The following VAPB variants were observed in gnomAD, a reference collection of about 807,000 sequenced individuals.
The protein encoded by VAPB is vesicle-associated membrane protein-associated protein B/C.
In VAPB, 7 loss-of-function variants were observed where a neutral mutation model predicts 25.6. The observed-to-expected ratio is 0.27, with a 90% CI of 0.16 to 0.51. The LOEUF is 0.51. VAPB is among the 20% of genes least tolerant of loss of function. VAPB has a pLI of 0.97. For synonymous variants in VAPB, 112 were observed against 109.2 expected, an observed-to-expected ratio of 1.03 and a Z score of -0.16; for missense variants, 266 against 301.3, an observed-to-expected ratio of 0.88 and a Z score of 0.87.
chr20:58,443,052 C>T (rs1011699223), intron 5 of VAPB, among the ~76,000 whole-genome samples: 3 of 152,018 alleles, frequency 2.0e-5, no homozygotes, highest in Non-Finnish European at 2.9e-5. Flanking sequence ...GAAATGGCAT[C>T]ATAGATCTAC....
chr20:58,422,520 A>G (rs191864689), intron 2 of VAPB, among the ~76,000 whole-genome samples: 2 of 151,586 alleles, frequency 1.3e-5, no homozygotes, highest in Admixed American at 6.6e-5. Flanking sequence ...AATTAAATCT[A>G]TTTTCTGAAC....
intron 1 of VAPB, among the ~76,000 whole-genome samples, chr20:58,416,987 A>G (rs751434545): frequency 3.3e-5 from 5 of 152,210 alleles, no homozygotes; most frequent in Non-Finnish European, 7.3e-5. Context: ...CAAAACACAC[A>G]TTTGAATGAT....
At chr20:58,398,932 T>C (rs920639428) in intron 1 of VAPB, among the ~76,000 whole-genome samples, 4 of 151,994 alleles carry the variant, frequency 2.6e-5, no homozygotes, top group Admixed American at 1.3e-4. Flanking sequence ...CTTGGCTTTC[T>C]TATTTATTAT....
At chr20:58,418,433 T>C (rs1051138660) in intron 2 of VAPB, 70 bp downstream of exon 2, 1 of 1,580,806 alleles carries the variant, frequency 6.3e-7, no homozygotes, top group African/African-American at 1.4e-5. Flanking sequence ...TTCTTAAAGT[T>C]TGTATTTGCA....
At chr20:58,397,003 G>A (rs1049584900) in intron 1 of VAPB, among the ~76,000 whole-genome samples, 11 of 152,216 alleles carry the variant, frequency 7.2e-5, no homozygotes. Flanking sequence ...GTTCTTGAGA[G>A]AGGGAGGCAG....
intron 1 of VAPB, among the ~76,000 whole-genome samples, chr20:58,405,147 A>C (rs759608589): frequency 5.9e-4 from 90 of 152,288 alleles, no homozygotes; most frequent in Middle Eastern, 3.4e-3. Context: ...TCATTTAAGT[A>C]GGGTGATTAG....
chr20:58,413,233 G>T (rs1988424708), intron 1 of VAPB, among the ~76,000 whole-genome samples: 1 of 150,988 alleles, frequency 6.6e-6, no homozygotes, highest in South Asian at 2.1e-4. Flanking sequence ...ATAGTGGAGG[G>T]AAGGTCAGCA....
At chr20:58,400,365 C>G (rs1433792183) in intron 1 of VAPB, among the ~76,000 whole-genome samples, 1 of 152,196 alleles carries the variant, frequency 6.6e-6, no homozygotes, top group Non-Finnish European at 1.5e-5. Context: ...TTTCCCACAG[C>G]ACCTACTGGT....
At chr20:58,409,699 C>G (rs1988325442) in intron 1 of VAPB, among the ~76,000 whole-genome samples, 1 of 152,028 alleles carries the variant, frequency 6.6e-6, no homozygotes, top group Non-Finnish European at 1.5e-5. Context: ...AAACTTGTAT[C>G]TGGAAAGCTG....
intron 4 of VAPB, chr20:58,439,503 A>G (rs1198573504): frequency 5.2e-6 from 1 of 191,600 alleles, no homozygotes; most frequent in Non-Finnish European, 1.1e-5. Flanking sequence ...CTCAGCCTCA[A>G]CACTGTTGAT....
rs1187460828 is a variant in VAPB, at chr20:58,448,013, C to T, written c.*3778C>T. 1 of 453,700 alleles carries T rather than the reference C, an allele frequency of 2.2e-6. No homozygotes were observed. 28.1% of individuals were successfully genotyped at this position (453,700 alleles called of 1,614,324 possible). Reference sequence around the variant, plus strand: ...GAAGGGCCTCTCGTGGCTTTCCCTGCCCCCGGCTGTCTGGCCTGAAGAAGG... The same window carrying T: ...GAAGGGCCTCTCGTGGCTTTCCCTGTCCCCGGCTGTCTGGCCTGAAGAAGG... On this transcript the variant is annotated 3_prime_UTR_variant, in exon 6 of 6. Coordinates refer to ENST00000475243, the MANE Select transcript of VAPB (RefSeq NM_004738.5).
intron 1 of VAPB, among the ~76,000 whole-genome samples, chr20:58,417,201 T>C (rs1988560995): frequency 6.6e-6 from 1 of 152,232 alleles, no homozygotes; most frequent in African/African-American, 2.4e-5. Flanking sequence ...GCCACCTGAC[T>C]AATAAACACA....
In VAPB at chr20:58,439,006, C is replaced by T; in HGVS notation, c.377C>T (p.Pro126Leu). Residue 126 changes from proline (P) to leucine (L), a missense_variant, in exon 4 of 6, where the codon CCA becomes CTA. By Grantham distance (98) the Pro-to-Leu change is moderately conservative (BLOSUM62 -3). This residue lies in a region of VAPB where 98 missense variants were observed against 147.1 expected (regional missense o/e 0.67). Coordinates refer to ENST00000475243, the MANE Select transcript of VAPB (RefSeq NM_004738.5). ...DSKLRCVFEL[P>L]AENDKPHDVE... ...AAACTTAGATGTGTGTTTGAATTGC[C>T]AGCAGAGAATGATAAACCAGTAAGT... The T allele has an allele frequency of 6.2e-7, 1 of 1,613,720 alleles. No individual in the cohort carries two copies. Among genetic ancestry groups the T allele is most frequent in the Non-Finnish European group, 8.5e-7 (1 of 1,179,890 alleles).
intron 5 of VAPB, among the ~76,000 whole-genome samples, chr20:58,442,288 G>T (rs1989179437): frequency 6.6e-6 from 1 of 152,196 alleles, no homozygotes; most frequent in African/African-American, 2.4e-5. Context: ...TTTCTTTAGT[G>T]TGTAGTAAAT....
In VAPB at chr20:58,441,110, C is replaced by T. The variant is rs201184032; in HGVS notation, c.573+27C>T. The T allele has an allele frequency of 5.8e-5, 94 of 1,611,730 alleles. No homozygotes were observed. In the African/African-American group the frequency reaches 1.2e-3, roughly 20 times the overall value. ...TAATAGTTTATTTTCTGGTAATCTA[C>T]AGAAAACAAGGGCGTTTTCACTAGC... On this transcript the variant is annotated intron_variant, in intron 5 of 5. Transcript: ENST00000475243.
chr20:58,393,813 ACCTCCG>A (rs1987874611), intron 1 of VAPB, among the ~76,000 whole-genome samples: 1 of 151,736 alleles, frequency 6.6e-6, no homozygotes, highest in Non-Finnish European at 1.5e-5. Flanking sequence ...GCTCACCGCA[ACCTCCG>A]CCTCCCGGGT....
At chr20:58,411,529 G>A (rs1340505141) in intron 1 of VAPB, among the ~76,000 whole-genome samples, 1 of 152,162 alleles carries the variant, frequency 6.6e-6, no homozygotes. Context: ...TGATCCACCC[G>A]CCTTGGCCTC....
chr20:58,406,404 C>A (rs1038735477), intron 1 of VAPB, among the ~76,000 whole-genome samples: 1 of 152,206 alleles, frequency 6.6e-6, no homozygotes, highest in Non-Finnish European at 1.5e-5. Context: ...CTGGCCTCTT[C>A]TTGAGTTTAA....
intron 1 of VAPB, among the ~76,000 whole-genome samples, chr20:58,407,569 ATCTT>A (rs1236290997): frequency 1.3e-5 from 2 of 152,174 alleles, no homozygotes; most frequent in South Asian, 2.1e-4. Context: ...CTCGTTTTAA[ATCTT>A]TCTTTAATAA....
Sources: allele counts gnomAD v4.1 joint callset (sites outside exome capture counted in the v4.1 genomes callset), GRCh38; gene constraint gnomAD v4.1.1; regional missense constraint gnomAD v4.1.1; transcripts MANE v1.5; gene names NCBI Gene and HGNC (gene_info 2026-07-23, HGNC 2026-07-21).